SUZ12: variants seen among roughly 807,000 people sequenced by gnomAD.
SUZ12 encodes SUZ12 polycomb repressive complex 2 subunit.
Under a neutral mutation model 87.3 loss-of-function variants are expected in SUZ12, and 17 were observed. The observed-to-expected ratio is 0.19, with a 90% CI of 0.13 to 0.29. The LOEUF is 0.29. Ranked by LOEUF, SUZ12 falls within the 10% of genes least tolerant of loss-of-function variation. The pLI is 1.00. For synonymous variants in SUZ12, 253 were observed against 312.4 expected, an observed-to-expected ratio of 0.81 and a Z score of 2.01; for missense variants, 526 against 912.2, an observed-to-expected ratio of 0.58 and a Z score of 5.45.
chr17:31,984,673 C>T (rs762206260), intron 9 of SUZ12, among the ~76,000 whole-genome samples: 1 of 152,104 alleles, frequency 6.6e-6, no homozygotes, highest in Non-Finnish European at 1.5e-5. Flanking sequence ...CAAGGACTCT[C>T]ACGCAGTTCT....
chr17:31,966,271 C>T (rs1908082309), intron 5 of SUZ12, 75 bp downstream of exon 5: 1 of 1,222,722 alleles, frequency 8.2e-7, no homozygotes, highest in African/African-American at 1.6e-5. Context: ...AGTGGGGCTT[C>T]TGAGTGTAAA....
chr17:31,969,865 C>A (rs899936536), intron 5 of SUZ12, among the ~76,000 whole-genome samples: 20 of 152,016 alleles, frequency 1.3e-4, no homozygotes, highest in Non-Finnish European at 2.9e-5. Flanking sequence ...GGGACCCTCT[C>A]TCAAAACAAG....
intron 3 of SUZ12, among the ~76,000 whole-genome samples, chr17:31,943,791 C>T (rs1332133559): frequency 6.6e-6 from 1 of 151,998 alleles, no homozygotes; most frequent in African/African-American, 2.4e-5. Context: ...GTCTTCGCCT[C>T]CCAAGTTCAA....
At chr17:31,980,349 T>G (rs1342014319) in intron 8 of SUZ12, among the ~76,000 whole-genome samples, 1 of 150,680 alleles carries the variant, frequency 6.6e-6, no homozygotes, top group South Asian at 2.1e-4. Context: ...CCCTTCTAAG[T>G]AGGCTTCTGT....
At chr17:31,947,210 A>G (rs1195534695) in intron 3 of SUZ12, among the ~76,000 whole-genome samples, 2 of 152,216 alleles carry the variant, frequency 1.3e-5, no homozygotes, top group African/African-American at 4.8e-5. Context: ...CCAGCACTGC[A>G]TAGCTTTCCT....
intron 8 of SUZ12, among the ~76,000 whole-genome samples, chr17:31,982,058 T>C (rs1332841147): frequency 6.6e-6 from 1 of 152,168 alleles, no homozygotes; most frequent in African/African-American, 2.4e-5. Flanking sequence ...GTTACTAGTG[T>C]TTAAAGTATG....
intron 3 of SUZ12, among the ~76,000 whole-genome samples, chr17:31,940,884 C>T (rs1157738747): frequency 6.6e-6 from 1 of 151,652 alleles, no homozygotes; most frequent in Non-Finnish European, 1.5e-5. Context: ...GTGGTGTGTG[C>T]CTGTAATCCC....
intron 10 of SUZ12, among the ~76,000 whole-genome samples, chr17:31,992,966 A>G (rs140927851): frequency 2.6e-3 from 396 of 152,022 alleles, no homozygotes; most frequent in African/African-American, 8.8e-3. Context: ...TGGCCTCCCA[A>G]TGTGCTGGGA....
In SUZ12 at chr17:31,937,213, G is replaced by C. The variant is rs773040251; in HGVS notation, c.-34G>C. 30 of 1,397,992 alleles carry C rather than the reference G, an allele frequency of 2.1e-5. No individual in the cohort carries two copies. The South Asian group carries it at 4.3e-4, about 20-fold the overall frequency. The allele number at this position is 1,397,992 out of a possible 1,614,324, so 86.6% of individuals were successfully genotyped here. On this transcript the variant is annotated 5_prime_UTR_variant, in exon 1 of 16. Coordinates refer to ENST00000322652, the MANE Select transcript of SUZ12 (RefSeq NM_015355.4). ...CGCTTGCTCTCCGGGGCCGCCCGGCGGGTAGCTGGCGGGGGGAGGAGGCAG... is the reference window on the plus strand; with the variant it reads ...CGCTTGCTCTCCGGGGCCGCCCGGCCGGTAGCTGGCGGGGGGAGGAGGCAG...
rs1296748260 is a variant in SUZ12, at chr17:31,937,417, C to T, written c.171C>T (p.Ser57=). The T allele has an allele frequency of 1.3e-5, 20 of 1,543,166 alleles. No individual in the cohort carries two copies. The highest frequency in any genetic ancestry group is 1.6e-5 in the Non-Finnish European group (18 of 1,145,042). The change falls in exon 1 of 16, where the codon TCC becomes TCT. Residue 57 remains serine (S), a synonymous_variant. Transcript: ENST00000322652. The stretch of plus-strand genomic sequence containing the variant: ...GTGGCAGTTACTCGGCCTCCTCCTC[C>T]TCCTCCGCGGCGGCAGCGGCGGGGG... ...GGGGSYSASS[S]SSAAAAAGAA...
At chr17:31,944,535 AG>A (rs982784916) in intron 3 of SUZ12, among the ~76,000 whole-genome samples, 2 of 152,208 alleles carry the variant, frequency 1.3e-5, no homozygotes, top group African/African-American at 4.8e-5. Flanking sequence ...TAATTTTAAA[AG>A]CTTGGTTAAG....
intron 8 of SUZ12, among the ~76,000 whole-genome samples, chr17:31,979,541 T>A (rs1908974134): frequency 6.6e-6 from 1 of 152,198 alleles, no homozygotes; most frequent in Non-Finnish European, 1.5e-5. Context: ...TCCCCCAGTA[T>A]AGGCCTGTAG....
At chr17:31,979,103 CAAAAAA>C (rs61307349) in intron 8 of SUZ12, among the ~76,000 whole-genome samples, 5,671 of 65,286 alleles carry the variant, frequency 0.087, 340 homozygotes, top group African/African-American at 0.23. Flanking sequence ...ACTGTGTCTC[CAAAAAA>C]AAAAAAAAAA....
In SUZ12 at chr17:31,988,302, A is replaced by G; in HGVS notation, c.1024-18A>G. On this transcript the variant is annotated intron_variant, in intron 9 of 15. Coordinates refer to ENST00000322652, the MANE Select transcript of SUZ12 (RefSeq NM_015355.4). ...CATTATCTGAGTCTCCAGTCTTTGC[A>G]TGTTTTTTATTTTTTAGAGGCTGCC... 2 of 1,523,614 alleles carry G rather than the reference A, an allele frequency of 1.3e-6. No individual in the cohort carries two copies. The highest frequency in any genetic ancestry group is 1.8e-6 in the Non-Finnish European group (2 of 1,140,070). 94.4% of individuals were successfully genotyped at this position (1,523,614 alleles called of 1,614,324 possible).
chr17:31,938,154 C>T (rs540568863), intron 1 of SUZ12, among the ~76,000 whole-genome samples: 3 of 152,286 alleles, frequency 2.0e-5, no homozygotes, highest in Non-Finnish European at 2.9e-5. Context: ...AGAACATTTT[C>T]TTGCGTCAAT....
intron 15 of SUZ12, among the ~76,000 whole-genome samples, chr17:31,997,396 C>G (rs1910029797): frequency 1.3e-5 from 2 of 152,166 alleles, no homozygotes; most frequent in African/African-American, 4.8e-5. Flanking sequence ...GGTACAGTGG[C>G]TCATGCCTGT....
At chr17:31,957,637 C>T (rs554400500) in intron 4 of SUZ12, among the ~76,000 whole-genome samples, 1 of 151,856 alleles carries the variant, frequency 6.6e-6, no homozygotes, top group African/African-American at 2.4e-5. Flanking sequence ...TCTCGAATTC[C>T]TGACTTCAGG....
At chr17:31,962,971 TG>T (rs1357803416) in intron 4 of SUZ12, among the ~76,000 whole-genome samples, 1 of 152,260 alleles carries the variant, frequency 6.6e-6, no homozygotes, top group East Asian at 1.9e-4. Flanking sequence ...CTTTCACTTA[TG>T]TTTTGGGTTT....
intron 3 of SUZ12, among the ~76,000 whole-genome samples, chr17:31,947,325 A>G (rs1172830638): frequency 3.3e-5 from 5 of 152,162 alleles, no homozygotes; most frequent in Admixed American, 1.3e-4. Flanking sequence ...AGTAAGTGTC[A>G]AAATAAATAT....
Sources: allele counts gnomAD v4.1 joint callset (sites outside exome capture counted in the v4.1 genomes callset), GRCh38; gene constraint gnomAD v4.1.1; transcripts MANE v1.5; gene names NCBI Gene and HGNC (gene_info 2026-07-23, HGNC 2026-07-21).